Variants in ZFYVE9 observed in about 807,000 individuals in gnomAD.
ZFYVE9 encodes the protein zinc finger FYVE domain-containing protein 9.
In ZFYVE9, 43 loss-of-function variants were observed where a neutral mutation model predicts 126.7. That is an observed-to-expected ratio of 0.34 (90% CI 0.27 to 0.44). The LOEUF (loss-of-function observed/expected upper bound fraction) is 0.44, where lower values mean the gene tolerates loss of function less well. Ranked by LOEUF, ZFYVE9 falls within the 20% of genes least tolerant of loss-of-function variation. The pLI is 1.00. For missense variants in ZFYVE9, 1,476 were observed against 1,697.0 expected, an observed-to-expected ratio of 0.87 and a Z score of 2.29; for synonymous variants, 521 against 597.4, an observed-to-expected ratio of 0.87 and a Z score of 1.87.
At chr1:52,316,913 C>G (rs1242029447) in intron 13 of ZFYVE9, among the ~76,000 whole-genome samples, 1 of 152,148 alleles carries the variant, frequency 6.6e-6, no homozygotes, top group Non-Finnish European at 1.5e-5. Context: ...GCACACAGAA[C>G]ATTTACAAAA....
chr1:52,266,839 A>T lies in ZFYVE9; in HGVS notation c.2455+8A>T. 6.3e-7 allele frequency: 1 copy of T among 1,582,510 alleles called. No homozygotes were observed. The highest frequency in any genetic ancestry group is 8.6e-7 in the Non-Finnish European group (1 of 1,166,394). ...AGCACCCTGGAGCAGAAGGTAGGGGATCATGTGCTATTCTCTCTCTTTTTC... is the reference window on the plus strand; with the variant it reads ...AGCACCCTGGAGCAGAAGGTAGGGGTTCATGTGCTATTCTCTCTCTTTTTC... On this transcript the variant is annotated splice_region_variant and intron_variant, in intron 6 of 18. Coordinates refer to ENST00000287727, the MANE Select transcript of ZFYVE9 (RefSeq NM_004799.4).
At chr1:52,260,511 CTT>C (rs1490013786) in intron 4 of ZFYVE9, among the ~76,000 whole-genome samples, 1 of 151,834 alleles carries the variant, frequency 6.6e-6, no homozygotes, top group Non-Finnish European at 1.5e-5. Context: ...ATGTCTTTCT[CTT>C]TGATTAAAAT....
intron 15 of ZFYVE9, among the ~76,000 whole-genome samples, chr1:52,336,346 T>C (rs573513563): frequency 6.7e-6 from 1 of 148,856 alleles, no homozygotes; most frequent in Admixed American, 6.8e-5. Flanking sequence ...CAAATTGTTA[T>C]GAAATCTAAG....
intron 1 of ZFYVE9, chr1:52,160,403 A>G (rs749774562): frequency 3.7e-6 from 4 of 1,093,318 alleles, no homozygotes; most frequent in Non-Finnish European, 5.7e-6. Context: ...CAACTTTGGG[A>G]CACTTTCTAC....
intron 8 of ZFYVE9, among the ~76,000 whole-genome samples, chr1:52,276,621 A>T (rs1645750804): frequency 6.6e-6 from 1 of 152,152 alleles, no homozygotes; most frequent in African/African-American, 2.4e-5. Context: ...AATATTTTCC[A>T]TTTCTTCCTT....
intron 1 of ZFYVE9, among the ~76,000 whole-genome samples, chr1:52,179,275 A>T (rs1452207572): frequency 6.6e-6 from 1 of 152,236 alleles, no homozygotes; most frequent in Non-Finnish European, 1.5e-5. Flanking sequence ...GAATGAGATC[A>T]TCCAGTGAAA....
At chr1:52,177,877 G>A (rs1644653006) in intron 1 of ZFYVE9, among the ~76,000 whole-genome samples, 2 of 151,900 alleles carry the variant, frequency 1.3e-5, no homozygotes, top group Admixed American at 1.3e-4. Context: ...AGGGCAAGAG[G>A]TAAAGTAGAT....
chr1:52,197,099 T>C (rs1402692302), intron 1 of ZFYVE9, among the ~76,000 whole-genome samples: 2 of 152,114 alleles, frequency 1.3e-5, no homozygotes, highest in African/African-American at 2.4e-5. Context: ...GAAGTAGATA[T>C]AAGAATATTA....
At chr1:52,318,807 G>A (rs1421166956) in intron 13 of ZFYVE9, among the ~76,000 whole-genome samples, 1 of 152,012 alleles carries the variant, frequency 6.6e-6, no homozygotes, top group African/African-American at 2.4e-5. Context: ...ATTTAATAAC[G>A]ATACAGTAGG....
intron 18 of ZFYVE9, among the ~76,000 whole-genome samples, chr1:52,345,299 G>A (rs927010694): frequency 3.9e-5 from 6 of 152,112 alleles, no homozygotes; most frequent in Admixed American, 6.6e-5. Context: ...CGAGTCACTT[G>A]GAACTTGGGT....
intron 2 of ZFYVE9, among the ~76,000 whole-genome samples, chr1:52,225,729 G>T (rs920622019): frequency 1.3e-5 from 2 of 152,150 alleles, no homozygotes; most frequent in Non-Finnish European, 2.9e-5. Context: ...CTTTGAAGAG[G>T]AACTAAATTG....
intron 3 of ZFYVE9, 61 bp downstream of exon 3, chr1:52,233,337 G>C: frequency 8.1e-7 from 1 of 1,228,098 alleles, no homozygotes; most frequent in South Asian, 1.9e-5. Context: ...GGGGATATAA[G>C]AGGATGTAGT....
rs564716811 is a variant in ZFYVE9 at position 52,286,644 on chromosome 1, T to G, written c.3025+4828T>G. On this transcript the variant is annotated intron_variant, in intron 10 of 18. Transcript: ENST00000287727. Reference sequence around the variant, plus strand: ...TGTACCTGTTTTTTTGCAAACAATCTATTCAGAACATAGACTTGAATGAAA... The same window carrying G: ...TGTACCTGTTTTTTTGCAAACAATCGATTCAGAACATAGACTTGAATGAAA... Among the ~76,000 whole-genome samples the G allele has an allele frequency of 2.6e-5, 4 of 152,334 alleles. No individual in the cohort carries two copies. In the South Asian group the frequency reaches 8.3e-4, roughly 32 times the overall value.
At chr1:52,232,247 A>G (rs1296930056) in intron 2 of ZFYVE9, among the ~76,000 whole-genome samples, 1 of 152,208 alleles carries the variant, frequency 6.6e-6, no homozygotes, top group Non-Finnish European at 1.5e-5. Flanking sequence ...CACTAAGGAA[A>G]TAGGTGTGGA....
intron 12 of ZFYVE9, among the ~76,000 whole-genome samples, chr1:52,297,937 C>T (rs1037921199): frequency 6.6e-6 from 1 of 152,086 alleles, no homozygotes; most frequent in Non-Finnish European, 1.5e-5. Context: ...TGGTCTCAAA[C>T]TCATGACCTC....
At chr1:52,177,323 A>G (rs1030827099) in intron 1 of ZFYVE9, among the ~76,000 whole-genome samples, 5 of 151,866 alleles carry the variant, frequency 3.3e-5, no homozygotes, top group Non-Finnish European at 7.4e-5. Flanking sequence ...TAATTTTTGT[A>G]TTTTTGAGTA....
intron 1 of ZFYVE9, among the ~76,000 whole-genome samples, chr1:52,194,634 G>A (rs1298629237): frequency 1.3e-5 from 2 of 151,962 alleles, no homozygotes; most frequent in African/African-American, 2.4e-5. Flanking sequence ...ACCCATTTGA[G>A]GAAATAAAAA....
intron 2 of ZFYVE9, among the ~76,000 whole-genome samples, chr1:52,220,496 C>T (rs1013343717): frequency 7.2e-5 from 11 of 152,186 alleles, no homozygotes; most frequent in Admixed American, 7.2e-4. Context: ...AACTTGGATG[C>T]TTTGGAATGG....
At chr1:52,166,216 T>C (rs913098969) in intron 1 of ZFYVE9, among the ~76,000 whole-genome samples, 1 of 152,218 alleles carries the variant, frequency 6.6e-6, no homozygotes, top group Non-Finnish European at 1.5e-5. Flanking sequence ...CCAGTATAGT[T>C]TGGTATTGCT....
Sources: allele counts gnomAD v4.1 joint callset (sites outside exome capture counted in the v4.1 genomes callset), GRCh38; gene constraint gnomAD v4.1.1; transcripts MANE v1.5; gene names NCBI Gene and HGNC (gene_info 2026-07-23, HGNC 2026-07-21).